ARPIN: variants seen among roughly 807,000 people sequenced by gnomAD.
ARPIN encodes UPF0552 protein C15orf38.
Under a neutral mutation model 25.9 loss-of-function variants are expected in ARPIN, and 23 were observed. The ratio of observed to expected loss-of-function variants is 0.89; its 90% CI spans 0.64 to 1.26. The LOEUF (loss-of-function observed/expected upper bound fraction) is 1.26. Ranked by LOEUF, ARPIN falls within the 50% of genes most tolerant of loss-of-function variation. ARPIN has a pLI of 0.00. For synonymous variants in ARPIN, 126 were observed against 131.4 expected (o/e 0.96, Z 0.28); for missense variants, 333 against 312.2 (o/e 1.07, Z -0.50).
intron 2 of ARPIN, 116 bp downstream of exon 2, chr15:89,910,628 A>G: frequency 7.7e-7 from 1 of 1,293,418 alleles, no homozygotes; most frequent in Non-Finnish European, 1.1e-6. Context: ...TTGCTTTCTA[A>G]GCCCATCAAG....
rs532906290 is a variant in ARPIN at position 89,908,877 on chromosome 15, G to A, written c.169-465C>T. On this transcript the variant is annotated intron_variant, in intron 2 of 5. Coordinates refer to ENST00000357484, the MANE Select transcript of ARPIN (RefSeq NM_182616.4). Reference sequence around the variant, plus strand: ...ATGTGCCTGTAATCCCAGCTATTCAGGAGGCTAAGGCAGGAGAATCGCTTG... The same window carrying A: ...ATGTGCCTGTAATCCCAGCTATTCAAGAGGCTAAGGCAGGAGAATCGCTTG... 1.1e-4 allele frequency among the ~76,000 whole-genome samples: 16 copies of A among 152,252 alleles called. 1 individual carries two copies. The South Asian group carries it at 1.9e-3, about 18-fold the overall frequency.
At chr15:89,902,426 T>C (rs573587007) in intron 5 of ARPIN, among the ~76,000 whole-genome samples, 59 of 151,012 alleles carry the variant, frequency 3.9e-4, no homozygotes, top group Admixed American at 1.6e-3. Flanking sequence ...TAAAATAAAA[T>C]AAAATAATAA....
rs1356005620 is a variant in ARPIN at position 89,908,393 on chromosome 15, T to C, written c.188A>G (p.Tyr63Cys). The C allele has an allele frequency of 1.2e-5, 19 of 1,613,938 alleles. No homozygotes were observed. The highest frequency in any genetic ancestry group is 1.6e-5 in the Non-Finnish European group (19 of 1,180,024). Residue 63 changes from tyrosine (Y) to cysteine (C), a missense_variant, in exon 3 of 6, where the codon TAT becomes TGT. By Grantham distance (194) the Tyr-to-Cys change is radical. Coordinates refer to ENST00000357484, the MANE Select transcript of ARPIN (RefSeq NM_182616.4). ...GCGATGGATGTGACTGGGCCGGATATACAGCACGTAGTAGCGCTCCTGGGG... is the reference window on the plus strand; with the variant it reads ...GCGATGGATGTGACTGGGCCGGATACACAGCACGTAGTAGCGCTCCTGGGG... Reference protein sequence around the residue: ...HGRKERYYVLYIRPSHIHRRK... With the variant: ...HGRKERYYVLCIRPSHIHRRK...
chr15:89,903,999 G>A lies in ARPIN; in HGVS notation c.302-16C>T, dbSNP rs79020928. 1,883 of 1,591,208 alleles carry A rather than the reference G, an allele frequency of 1.2e-3. 30 individuals are homozygous for A. In the African/African-American group the frequency reaches 0.022, roughly 19 times the overall value. ...GCTTCCACCTCTGCAGGCACAGAGC[G>A]CAGGAGGGTCATTATCACTGTGGCA... On this transcript the variant is annotated splice_polypyrimidine_tract_variant and intron_variant, in intron 3 of 5. Transcript: ENST00000357484.
intron 2 of ARPIN, among the ~76,000 whole-genome samples, chr15:89,909,805 A>G (rs1897192022): frequency 6.6e-6 from 1 of 152,196 alleles, no homozygotes; most frequent in Non-Finnish European, 1.5e-5. Flanking sequence ...CAAGGGCCCA[A>G]TGCCAGCAGG....
rs762716582 is a variant in ARPIN at position 89,903,331 on chromosome 15, G to A, written c.557C>T (p.Thr186Ile). The A allele has an allele frequency of 1.3e-5, 21 of 1,614,094 alleles. No homozygotes were observed. The highest frequency in any genetic ancestry group is 1.7e-5 in the Non-Finnish European group (20 of 1,180,052). ...GGATGCCCCTGTCTTTCCATCACCAGTGAAATTACACTTGGTCACTGTTCC... is the reference window on the plus strand; with the variant it reads ...GGATGCCCCTGTCTTTCCATCACCAATGAAATTACACTTGGTCACTGTTCC... ...EAGTVTKCNF[T>I]GDGKTGASWT... The change falls in exon 5 of 6, where the codon ACT (threonine) becomes ATT (isoleucine). Residue 186 changes from threonine (T) to isoleucine (I), a missense_variant. Physicochemically the swap from Thr to Ile is moderately conservative, Grantham distance 89 (BLOSUM62 -1). Coordinates refer to ENST00000357484, the MANE Select transcript of ARPIN (RefSeq NM_182616.4).
At position 89,901,390 on chromosome 15, in the gene ARPIN, A is replaced by T. The variant is rs1180613121; in HGVS notation, c.*405T>A. 2 of 224,746 alleles carry T rather than the reference A, an allele frequency of 8.9e-6. No individual in the cohort carries two copies. The highest frequency in any genetic ancestry group is 2.5e-4 in the East Asian group (2 of 7,846). The allele number at this position is 224,746 out of a possible 1,614,324, so 13.9% of individuals were successfully genotyped here. A position where few individuals can be genotyped will look rare whatever the true frequency, so the allele number is the denominator to read the frequency against. Reference sequence around the variant, plus strand: ...AAAGCTGCTATCCAGGGCCAGGGTCAACATGAGGCTGGGTGCAGTGGCTCA... The same window carrying T: ...AAAGCTGCTATCCAGGGCCAGGGTCTACATGAGGCTGGGTGCAGTGGCTCA... On this transcript the variant is annotated 3_prime_UTR_variant, in exon 6 of 6. Transcript: ENST00000357484.
rs769174602 is a variant in ARPIN, at chr15:89,910,798, C to T, written c.114G>A (p.Glu38=). 2.5e-6 allele frequency: 4 copies of T among 1,614,022 alleles called. No individual in the cohort carries two copies. In the African/African-American group the frequency reaches 5.3e-5, roughly 22 times the overall value. ...GCCGAGATACATCGATCAGTTCTCC[C>T]TCCAGCAGGACACCATTTCCCCTGG... ...AHQGGNGVLL[E]GELIDVSRHS... is the part of the protein sequence containing the mutation. The change falls in exon 2 of 6, where the codon GAG becomes GAA. Residue 38 remains glutamate (E), a synonymous_variant. Coordinates refer to ENST00000357484, the MANE Select transcript of ARPIN (RefSeq NM_182616.4).
intron 5 of ARPIN, among the ~76,000 whole-genome samples, chr15:89,902,036 G>A (rs946649843): frequency 2.6e-5 from 4 of 152,160 alleles, no homozygotes; most frequent in Admixed American, 6.6e-5. Flanking sequence ...ATCTGCGTGC[G>A]CCTGCTTTCT....
chr15:89,903,385 A>G lies in ARPIN; in HGVS notation c.509-6T>C. On this transcript the variant is annotated splice_region_variant and splice_polypyrimidine_tract_variant and intron_variant, in intron 4 of 5. Coordinates refer to ENST00000357484, the MANE Select transcript of ARPIN (RefSeq NM_182616.4). ...CTCAAGTTTGGCCAATGAATCTGAA[A>G]GAAGAGATGAAATTGAATGTCCTCT... The G allele has an allele frequency of 1.2e-6, 2 of 1,614,178 alleles. No homozygotes were observed. Among genetic ancestry groups the G allele is most frequent in the Non-Finnish European group, 1.7e-6 (2 of 1,179,998 alleles).
chr15:89,906,120 C>T (rs1314702560), intron 3 of ARPIN, among the ~76,000 whole-genome samples: 2 of 152,196 alleles, frequency 1.3e-5, no homozygotes, highest in Non-Finnish European at 1.5e-5. Flanking sequence ...TGCACCCCCA[C>T]TGACAGGTCC....
intron 5 of ARPIN, chr15:89,902,897 T>G: frequency 7.8e-7 from 1 of 1,277,438 alleles, no homozygotes; most frequent in Non-Finnish European, 1.0e-6. Context: ...GCATGGTTAA[T>G]GTATTCACTT....
chr15:89,911,847 GAC>G (rs71461826), intron 1 of ARPIN, among the ~76,000 whole-genome samples: 16,772 of 152,010 alleles, frequency 0.11, 994 homozygotes, highest in African/African-American at 0.15. Context: ...CTTTTCTTTT[GAC>G]ACAGTCTTGC....
chr15:89,897,580 A>C lies in ARPIN; in HGVS notation c.*4215T>G, dbSNP rs1326037127. On this transcript the variant is annotated 3_prime_UTR_variant, in exon 6 of 6. Transcript: ENST00000357484. ...AGTGTTACAACAACTACCTACAAGC[A>C]TTACAGATGTTTCAGAATTTGTCTA... 1 of 152,238 alleles carries C rather than the reference A, an allele frequency of 6.6e-6. No individual in the cohort carries two copies. The highest frequency in any genetic ancestry group is 2.4e-5 in the African/African-American group (1 of 41,458). The allele number at this position is 152,238 out of a possible 1,614,324, so 9.4% of individuals were successfully genotyped here.
chr15:89,904,687 G>A (rs930563478), intron 3 of ARPIN, among the ~76,000 whole-genome samples: 3 of 152,200 alleles, frequency 2.0e-5, no homozygotes, highest in Non-Finnish European at 4.4e-5. Flanking sequence ...AGGACTGTGT[G>A]TTCACAAGGC....
Position 89,908,293 on chromosome 15 carries a change from G to A in ARPIN, c.288C>T (p.Leu96=). The A allele has an allele frequency of 6.2e-7, 1 of 1,614,210 alleles. No homozygotes were observed. Among genetic ancestry groups the A allele is most frequent in the Non-Finnish European group, 8.5e-7 (1 of 1,180,028 alleles). ...SATRKVNTGF[L]MSSYKVEAKG... is the part of the protein sequence containing the mutation. Reference sequence around the variant, plus strand: ...GAGGATACCTACTGTAGGACGACATGAGGAAGCCCGTGTTCACCTTCCTGG... The same window carrying A: ...GAGGATACCTACTGTAGGACGACATAAGGAAGCCCGTGTTCACCTTCCTGG... Residue 96 remains leucine (L), a synonymous_variant, in exon 3 of 6, where the codon CTC becomes CTT. Coordinates refer to ENST00000357484, the MANE Select transcript of ARPIN (RefSeq NM_182616.4).
At chr15:89,908,144 G>A in intron 3 of ARPIN, 136 bp downstream of exon 3, 7 of 1,383,740 alleles carry the variant, frequency 5.1e-6, no homozygotes, top group South Asian at 3.0e-5. Flanking sequence ...GGATGTGGAA[G>A]CCTCAGGCCA....
chr15:89,908,397 G>A lies in ARPIN; in HGVS notation c.184C>T (p.Leu62=), dbSNP rs771103281. Residue 62 remains leucine, a synonymous_variant, in exon 3 of 6, where the codon CTG becomes TTG. Transcript: ENST00000357484. ...THGRKERYYV[L]YIRPSHIHRR... The stretch of plus-strand genomic sequence containing the variant: ...TGGATGTGACTGGGCCGGATATACA[G>A]CACGTAGTAGCGCTCCTGGGGCCAG... 6.2e-6 allele frequency: 10 copies of A among 1,614,084 alleles called. No homozygotes were observed. Among genetic ancestry groups the A allele is most frequent in the Non-Finnish European group, 7.6e-6 (9 of 1,179,990 alleles).
intron 1 of ARPIN, chr15:89,912,404 G>A (rs1897240180): frequency 9.0e-7 from 1 of 1,105,008 alleles, no homozygotes; most frequent in Non-Finnish European, 1.1e-6. Context: ...AAAGCAGCGC[G>A]GCAAGTAGCT....
Sources: gnomAD v4.1 joint callset for allele counts (sites outside exome capture counted in the v4.1 genomes callset) on GRCh38, gnomAD v4.1.1 for gene constraint, MANE v1.5 for transcripts, NCBI Gene and HGNC (gene_info 2026-07-23, HGNC 2026-07-21) for gene names.